RAPGEF2: variants seen among roughly 807,000 people sequenced by gnomAD.
RAPGEF2 encodes the protein Rap guanine nucleotide exchange factor 2.
A neutral mutation model predicts 186.7 loss-of-function variants in RAPGEF2; 54 were observed. The observed-to-expected ratio is 0.29, with a 90% CI of 0.23 to 0.36. RAPGEF2 has a LOEUF of 0.36. Ranked by LOEUF, RAPGEF2 falls within the 10% of genes least tolerant of loss-of-function variation. The pLI is 1.00. For missense variants in RAPGEF2, 1,532 were observed against 2,045.0 expected, an observed-to-expected ratio of 0.75 and a Z score of 4.84; for synonymous variants, 712 against 705.9, an observed-to-expected ratio of 1.01 and a Z score of -0.14.
chr4:159,245,841 T>C (rs1056676135), intron 7 of RAPGEF2, among the ~76,000 whole-genome samples: 1 of 152,064 alleles, frequency 6.6e-6, no homozygotes, highest in Non-Finnish European at 1.5e-5. Context: ...AGACTAAAGA[T>C]TGAAGAAAAC....
At chr4:159,203,321 G>T (rs1463282926) in intron 3 of RAPGEF2, among the ~76,000 whole-genome samples, 1 of 152,122 alleles carries the variant, frequency 6.6e-6, no homozygotes, top group East Asian at 1.9e-4. Context: ...TACTTATTAA[G>T]AAAATATTTG....
chr4:159,239,166 T>C (rs1476157159), intron 5 of RAPGEF2, among the ~76,000 whole-genome samples: 1 of 152,178 alleles, frequency 6.6e-6, no homozygotes, highest in Non-Finnish European at 1.5e-5. Context: ...AATAATGCCA[T>C]TTAATTGAAA....
chr4:159,243,876 A>G (rs1245468224), intron 7 of RAPGEF2, 85 bp downstream of exon 7: 9 of 1,007,296 alleles, frequency 8.9e-6, no homozygotes, highest in Non-Finnish European at 1.2e-5. Context: ...TATAATATTC[A>G]TATGTTTTGC....
chr4:159,308,506 A>G lies in RAPGEF2; in HGVS notation c.675+4033A>G, dbSNP rs576091160. Among the ~76,000 whole-genome samples the G allele has an allele frequency of 7.9e-5, 12 of 152,316 alleles. No individual in the cohort carries two copies. In the South Asian group the frequency reaches 2.5e-3, roughly 32 times the overall value. ...CTTCTCTCCTGTGAATCAAGCATCCAGTTTATTCTTGAACAATTCCAAGGG... is the reference window on the plus strand; with the variant it reads ...CTTCTCTCCTGTGAATCAAGCATCCGGTTTATTCTTGAACAATTCCAAGGG... On this transcript the variant is annotated intron_variant, in intron 8 of 29. Coordinates refer to ENST00000691494, the MANE Select transcript of RAPGEF2 (RefSeq NM_001394067.2).
chr4:159,105,334 C>T (rs1737759925), intron 1 of RAPGEF2, among the ~76,000 whole-genome samples: 1 of 152,200 alleles, frequency 6.6e-6, no homozygotes, highest in Non-Finnish European at 1.5e-5. Flanking sequence ...TGGATGCCAT[C>T]TGTTCAAATC....
chr4:159,164,335 T>G (rs1438756111), intron 1 of RAPGEF2, among the ~76,000 whole-genome samples: 1 of 151,506 alleles, frequency 6.6e-6, no homozygotes, highest in African/African-American at 2.4e-5. Flanking sequence ...TTCTTCTTTA[T>G]TAAACGGGAG....
At chr4:159,176,888 C>G (rs955833969) in intron 1 of RAPGEF2, among the ~76,000 whole-genome samples, 9 of 152,152 alleles carry the variant, frequency 5.9e-5, no homozygotes, top group African/African-American at 2.2e-4. Flanking sequence ...GTAAAACAGT[C>G]TTGAGCTATG....
chr4:159,228,885 A>T (rs1006639714), intron 4 of RAPGEF2, among the ~76,000 whole-genome samples: 8 of 152,196 alleles, frequency 5.3e-5, no homozygotes, highest in African/African-American at 1.7e-4. Flanking sequence ...ATTAAAATTT[A>T]TTCTTATATA....
chr4:159,335,056 A>AT lies in RAPGEF2; in HGVS notation c.2135+2369dup, dbSNP rs556215261. Reference sequence around the variant, plus strand: ...TATAAATTATCATTTGTGTATGAAGATTTTTTTTTTGACAAAGCTACTAAA... The same window carrying AT: ...TATAAATTATCATTTGTGTATGAAGATTTTTTTTTTTGACAAAGCTACTAAA... On this transcript the variant is annotated intron_variant, in intron 17 of 29. Coordinates refer to ENST00000691494, the MANE Select transcript of RAPGEF2 (RefSeq NM_001394067.2). 3.3e-3 allele frequency among the ~76,000 whole-genome samples: 493 copies of AT among 150,670 alleles called. 4 individuals carry two copies. The highest frequency in any genetic ancestry group is 6.8e-3 in the Middle Eastern group (2 of 294).
At chr4:159,250,233 G>A (rs1322350804) in intron 7 of RAPGEF2, among the ~76,000 whole-genome samples, 4 of 152,166 alleles carry the variant, frequency 2.6e-5, no homozygotes, top group Non-Finnish European at 4.4e-5. Flanking sequence ...CTGCTCGGGA[G>A]ATGGGTGCAC....
intron 9 of RAPGEF2, among the ~76,000 whole-genome samples, chr4:159,319,345 T>A (rs1764969714): frequency 1.3e-5 from 2 of 152,156 alleles, no homozygotes; most frequent in African/African-American, 4.8e-5. Flanking sequence ...GCAAGGGTTC[T>A]AAGTTGTGCA....
At chr4:159,136,492 A>G (rs1460200792) in intron 1 of RAPGEF2, among the ~76,000 whole-genome samples, 1 of 152,192 alleles carries the variant, frequency 6.6e-6, no homozygotes, top group Non-Finnish European at 1.5e-5. Flanking sequence ...TTGTAATACA[A>G]AGAGGAGATG....
intron 1 of RAPGEF2, among the ~76,000 whole-genome samples, chr4:159,150,869 C>T (rs10030361): frequency 6.6e-6 from 1 of 152,160 alleles, no homozygotes; most frequent in African/African-American, 2.4e-5. Context: ...TAACTCAGCT[C>T]GTGTTCCCCT....
At position 159,347,640 on chromosome 4, in the gene RAPGEF2, C is replaced by T. The variant is rs569511139; in HGVS notation, c.3712+642C>T. ...TCTACTAAAAATAGAAAAAATTAGC[C>T]GGGCGTGGTGGCGGGCGCCTGTAGT... On this transcript the variant is annotated intron_variant, in intron 25 of 29. Coordinates refer to ENST00000691494, the MANE Select transcript of RAPGEF2 (RefSeq NM_001394067.2). 2.2e-4 allele frequency among the ~76,000 whole-genome samples: 34 copies of T among 152,228 alleles called. No individual in the cohort carries two copies. The South Asian group carries it at 5.4e-3, about 24-fold the overall frequency.
chr4:159,358,008 A>G, intron 29 of RAPGEF2, 106 bp from the exon 30 acceptor site: 1 of 1,150,028 alleles, frequency 8.7e-7, no homozygotes, highest in Non-Finnish European at 1.2e-6. Context: ...ACTAAAAAGA[A>G]TAACTATGAT....
chr4:159,105,439 A>G (rs901891935), intron 1 of RAPGEF2, among the ~76,000 whole-genome samples: 4 of 152,232 alleles, frequency 2.6e-5, no homozygotes, highest in African/African-American at 9.6e-5. Flanking sequence ...ACAAGCCCCA[A>G]GAGTGGCACC....
intron 9 of RAPGEF2, among the ~76,000 whole-genome samples, chr4:159,320,601 C>G (rs969288737): frequency 6.6e-6 from 1 of 152,086 alleles, no homozygotes; most frequent in Non-Finnish European, 1.5e-5. Context: ...CCAGAGCCCC[C>G]CTGTGTAATG....
At chr4:159,237,528 G>A (rs903309096) in intron 4 of RAPGEF2, among the ~76,000 whole-genome samples, 18 of 151,852 alleles carry the variant, frequency 1.2e-4, no homozygotes, top group African/African-American at 4.4e-4. Context: ...TACGTGACTT[G>A]GCTCCTAATA....
chr4:159,146,198 C>T (rs1444722148), intron 1 of RAPGEF2, among the ~76,000 whole-genome samples: 2 of 151,944 alleles, frequency 1.3e-5, no homozygotes, highest in East Asian at 3.9e-4. Flanking sequence ...ATGTTTATCA[C>T]TGTAAGGAGA....
Sources: gnomAD v4.1 joint callset for allele counts (sites outside exome capture counted in the v4.1 genomes callset) on GRCh38, gnomAD v4.1.1 for gene constraint, MANE v1.5 for transcripts, NCBI Gene and HGNC (gene_info 2026-07-23, HGNC 2026-07-21) for gene names.